Variants in SLC35F4 observed in about 807,000 individuals in gnomAD.
SLC35F4 encodes chromosome 14 open reading frame 36.
SLC35F4 carries 24 observed loss-of-function variants against 44.2 expected under a neutral mutation model. That is an observed-to-expected ratio of 0.54 (90% CI 0.39 to 0.76). SLC35F4 has a LOEUF of 0.76. SLC35F4 is among the 30% of genes least tolerant of loss of function. The pLI, the probability that SLC35F4 is intolerant of heterozygous loss-of-function variation, is 0.00. For synonymous variants in SLC35F4, 238 were observed against 223.6 expected (o/e 1.06, Z -0.57); for missense variants, 562 against 586.1 (o/e 0.96, Z 0.42).
intron 1 of SLC35F4, among the ~76,000 whole-genome samples, chr14:57,741,861 T>G (rs1566813458): frequency 6.6e-6 from 1 of 152,196 alleles, no homozygotes; most frequent in African/African-American, 2.4e-5. Flanking sequence ...CCCAGCAGAC[T>G]AACAGCAGAT....
chr14:57,762,860 G>A (rs1410433796), intron 1 of SLC35F4, among the ~76,000 whole-genome samples: 1 of 152,076 alleles, frequency 6.6e-6, no homozygotes, highest in Non-Finnish European at 1.5e-5. Context: ...TACTCAGTCT[G>A]TGGTATTCTC....
chr14:57,952,952 T>A (rs1185778165), intron 1 of SLC35F4, among the ~76,000 whole-genome samples: 1 of 151,782 alleles, frequency 6.6e-6, no homozygotes, highest in African/African-American at 2.4e-5. Context: ...ACAGAGATAC[T>A]CCTCGAGAAG....
intron 1 of SLC35F4, among the ~76,000 whole-genome samples, chr14:57,658,106 T>C (rs578243513): frequency 6.6e-6 from 1 of 152,318 alleles, no homozygotes; most frequent in South Asian, 2.1e-4. Flanking sequence ...TCCCTGGTGA[T>C]TTCATTTTTA....
intron 1 of SLC35F4, among the ~76,000 whole-genome samples, chr14:57,816,490 A>G (rs1014739186): frequency 6.6e-6 from 1 of 151,970 alleles, no homozygotes; most frequent in African/African-American, 2.4e-5. Flanking sequence ...AAAAAAACTC[A>G]GTTTACTATC....
At chr14:57,618,684 G>A (rs946176467) in intron 1 of SLC35F4, among the ~76,000 whole-genome samples, 8 of 152,180 alleles carry the variant, frequency 5.3e-5, no homozygotes, top group Admixed American at 5.2e-4. Flanking sequence ...ATGCCAGCGA[G>A]CCAGAACCAC....
At chr14:57,895,604 GTCTC>G (rs1888855285) in intron 1 of SLC35F4, among the ~76,000 whole-genome samples, 1 of 140,278 alleles carries the variant, frequency 7.1e-6, no homozygotes, top group Non-Finnish European at 1.6e-5. Context: ...CTCTCTCTCT[GTCTC>G]TCTCTGTCTG....
chr14:57,897,758 C>G (rs1476127596), intron 1 of SLC35F4, among the ~76,000 whole-genome samples: 2 of 152,258 alleles, frequency 1.3e-5, no homozygotes, highest in East Asian at 3.9e-4. Context: ...CAAATTATCT[C>G]CAGAGAGCAG....
intron 1 of SLC35F4, among the ~76,000 whole-genome samples, chr14:57,940,912 T>G (rs1346874266): frequency 6.6e-6 from 1 of 152,248 alleles, no homozygotes; most frequent in Non-Finnish European, 1.5e-5. Context: ...CTCATAGGTA[T>G]CTTAGTTGCC....
At position 57,771,079 on chromosome 14, in the gene SLC35F4, C is replaced by G. The variant is rs546009284; in HGVS notation, c.103+94644G>C. ...ATTTCTGTATCATTTCAGGGCCTGACTGCTTTTTTAGCATAGATGAATTCT... is the reference window on the plus strand; with the variant it reads ...ATTTCTGTATCATTTCAGGGCCTGAGTGCTTTTTTAGCATAGATGAATTCT... On this transcript the variant is annotated intron_variant, in intron 1 of 7. Transcript: ENST00000556826. Among the ~76,000 whole-genome samples, 20 of 152,316 alleles carry G rather than the reference C, an allele frequency of 1.3e-4. No individual in the cohort carries two copies. In the South Asian group the frequency reaches 4.1e-3, roughly 32 times the overall value.
At chr14:57,836,128 T>A (rs773685438) in intron 1 of SLC35F4, among the ~76,000 whole-genome samples, 24 of 152,206 alleles carry the variant, frequency 1.6e-4, no homozygotes, top group Admixed American at 1.5e-3. Flanking sequence ...GAAGCTTGAA[T>A]GTTTTCCAGC....
At chr14:57,688,711 A>G (rs1396431134) in intron 1 of SLC35F4, among the ~76,000 whole-genome samples, 1 of 152,192 alleles carries the variant, frequency 6.6e-6, no homozygotes, top group Non-Finnish European at 1.5e-5. Context: ...GTGGTCTACT[A>G]TCTAACTGCA....
At chr14:57,964,985 A>ATATAT (rs1361527829) in intron 1 of SLC35F4, among the ~76,000 whole-genome samples, 10 of 130,978 alleles carry the variant, frequency 7.6e-5, no homozygotes, top group African/African-American at 3.0e-4. Context: ...AAAAAAAAAA[A>ATATAT]AAAAAAATAT....
chr14:57,964,929 T>C (rs776754796), intron 1 of SLC35F4, among the ~76,000 whole-genome samples: 77 of 149,336 alleles, frequency 5.2e-4, no homozygotes, highest in Non-Finnish European at 9.0e-4. Flanking sequence ...TGCCTCCAGG[T>C]ATCTCTCAAA....
At chr14:57,703,761 A>C (rs2075601838) in intron 1 of SLC35F4, among the ~76,000 whole-genome samples, 1 of 152,150 alleles carries the variant, frequency 6.6e-6, no homozygotes, top group East Asian at 1.9e-4. Context: ...AAAGGGAATC[A>C]CTCTAATAAG....
chr14:57,918,124 A>C (rs997386499), intron 1 of SLC35F4, among the ~76,000 whole-genome samples: 1 of 152,222 alleles, frequency 6.6e-6, no homozygotes, highest in Non-Finnish European at 1.5e-5. Context: ...GGCACATCCC[A>C]AAATGGTTGC....
At chr14:57,951,233 T>A (rs1339634291) in intron 1 of SLC35F4, among the ~76,000 whole-genome samples, 2 of 152,064 alleles carry the variant, frequency 1.3e-5, no homozygotes, top group Non-Finnish European at 2.9e-5. Flanking sequence ...GACTGTGCTG[T>A]GAGGAATGGT....
intron 1 of SLC35F4, among the ~76,000 whole-genome samples, chr14:57,764,614 T>C (rs1412841547): frequency 6.6e-6 from 1 of 152,238 alleles, no homozygotes; most frequent in African/African-American, 2.4e-5. Context: ...TTTAAAACCC[T>C]ACATGGGTAA....
Position 57,572,103 on chromosome 14 carries a change from C to T in SLC35F4, c.808-84G>A, listed in dbSNP as rs538287705. 1.1e-4 allele frequency: 167 copies of T among 1,501,966 alleles called. 1 individual carries two copies. The African/African-American group carries it at 2.1e-3, about 19-fold the overall frequency. The allele number at this position is 1,501,966 out of a possible 1,614,324, so 93.0% of individuals were successfully genotyped here. On this transcript the variant is annotated intron_variant, in intron 4 of 7. Transcript: ENST00000556826. ...GCAATTCAAGACTTCCTGAAAGCTG[C>T]TAAGTACTTCCTTAAACCTAATTAC...
chr14:57,734,998 ATTAT>A lies in SLC35F4; in HGVS notation c.103+130721_103+130724del, dbSNP rs1464114465. Reference sequence around the variant, plus strand: ...TTTAACAGCTACATGAAGCATCCTGATTATTCTATATGGAGCCAGAGCTGTTTTT... The same window carrying A: ...TTTAACAGCTACATGAAGCATCCTGATCTATATGGAGCCAGAGCTGTTTTT... On this transcript the variant is annotated intron_variant, in intron 1 of 7. Transcript: ENST00000556826. Among the ~76,000 whole-genome samples the A allele has an allele frequency of 2.6e-5, 4 of 152,108 alleles. No individual in the cohort carries two copies. The East Asian group carries it at 7.8e-4, about 30-fold the overall frequency.
Sources: gnomAD v4.1 joint callset for allele counts (sites outside exome capture counted in the v4.1 genomes callset) on GRCh38, gnomAD v4.1.1 for gene constraint, MANE v1.5 for transcripts, NCBI Gene and HGNC (gene_info 2026-07-23, HGNC 2026-07-21) for gene names.